Variants in CNTNAP2 observed in about 807,000 individuals in gnomAD.
The protein encoded by CNTNAP2 is contactin-associated protein-like 2.
Under a neutral mutation model 155.2 loss-of-function variants are expected in CNTNAP2, and 98 were observed. That is an observed-to-expected ratio of 0.63 (90% CI 0.54 to 0.75). CNTNAP2 has a LOEUF of 0.75. Among genes scored for constraint, CNTNAP2 ranks in the 30% least tolerant of loss-of-function variants. The pLI is 0.00. For synonymous variants in CNTNAP2, 651 were observed against 631.2 expected (o/e 1.03, Z -0.47); for missense variants, 1,727 against 1,688.1 (o/e 1.02, Z -0.40).
Position 147,347,420 on chromosome 7 carries a change from T to TTATATATA in CNTNAP2, c.1498+47142_1498+47149dup, listed in dbSNP as rs137977529. On this transcript the variant is annotated intron_variant, in intron 9 of 23. Coordinates refer to ENST00000361727, the MANE Select transcript of CNTNAP2 (RefSeq NM_014141.6). ...CTGTATTTCCTCTTATGTGAAAAGA[T>TTATATATA]TATATATATATATATATATGCATAT... is the stretch of plus-strand genomic sequence containing the variant. Among the ~76,000 whole-genome samples, 385 of 120,514 alleles carry TTATATATA rather than the reference T, an allele frequency of 3.2e-3. 2 individuals are homozygous for TTATATATA. The highest frequency in any genetic ancestry group is 0.011 in the East Asian group (44 of 4,036). The allele number at this position is 120,514 out of a possible 152,430, so 79.1% of individuals were successfully genotyped here. A position where few individuals can be genotyped will look rare whatever the true frequency, so the allele number is the denominator to read the frequency against.
chr7:147,798,432 G>C (rs1563092956), intron 13 of CNTNAP2, among the ~76,000 whole-genome samples: 1 of 152,154 alleles, frequency 6.6e-6, no homozygotes, highest in Admixed American at 6.6e-5. Flanking sequence ...CTGTTCAGAG[G>C]TAAGTTTACT....
intron 15 of CNTNAP2, among the ~76,000 whole-genome samples, chr7:148,099,176 C>T (rs2116577340): frequency 6.6e-6 from 1 of 152,168 alleles, no homozygotes; most frequent in Non-Finnish European, 1.5e-5. Flanking sequence ...CCTCAGTTTC[C>T]CCACATGAAA....
intron 8 of CNTNAP2, among the ~76,000 whole-genome samples, chr7:147,165,776 G>T (rs943899729): frequency 4.6e-5 from 7 of 152,076 alleles, no homozygotes; most frequent in Admixed American, 3.9e-4. Flanking sequence ...AAGATCAGTT[G>T]GCTTTAAGCA....
intron 11 of CNTNAP2, among the ~76,000 whole-genome samples, chr7:147,546,938 A>G (rs1278462739): frequency 2.0e-5 from 3 of 152,194 alleles, no homozygotes; most frequent in African/African-American, 4.8e-5. Flanking sequence ...TGCAGTATCA[A>G]TGAAACCCTC....
intron 1 of CNTNAP2, among the ~76,000 whole-genome samples, chr7:146,178,276 G>A (rs942146615): frequency 2.0e-5 from 3 of 152,216 alleles, no homozygotes; most frequent in South Asian, 2.1e-4. Flanking sequence ...CTCGTGATCC[G>A]CCTGCCTTGG....
intron 15 of CNTNAP2, among the ~76,000 whole-genome samples, chr7:148,052,140 C>T (rs1802904065): frequency 9.0e-6 from 1 of 111,256 alleles, no homozygotes; most frequent in African/African-American, 3.3e-5. Context: ...CAGACTCCGT[C>T]TCCAAAAAAA....
At chr7:147,352,278 T>C (rs1217505612) in intron 9 of CNTNAP2, among the ~76,000 whole-genome samples, 11 of 152,006 alleles carry the variant, frequency 7.2e-5, no homozygotes, top group Admixed American at 7.2e-4. Context: ...AGAAATAATT[T>C]GTAACACTGT....
intron 1 of CNTNAP2, among the ~76,000 whole-genome samples, chr7:146,527,085 A>AT (rs1160188961): frequency 1.4e-4 from 21 of 151,382 alleles, no homozygotes; most frequent in African/African-American, 3.6e-4. Context: ...TCCCTCTCAC[A>AT]TTTTTTTTAG....
intron 8 of CNTNAP2, among the ~76,000 whole-genome samples, chr7:147,183,914 T>A (rs950227035): frequency 6.6e-6 from 1 of 152,184 alleles, no homozygotes; most frequent in Non-Finnish European, 1.5e-5. Context: ...TGTATCAAGC[T>A]AAACACAAAG....
intron 1 of CNTNAP2, among the ~76,000 whole-genome samples, chr7:146,524,182 A>G (rs886327382): frequency 6.6e-6 from 1 of 152,174 alleles, no homozygotes. Context: ...TATGAGGCCC[A>G]TAAAGAAAAT....
At chr7:146,400,622 G>A (rs1428753174) in intron 1 of CNTNAP2, among the ~76,000 whole-genome samples, 1 of 152,220 alleles carries the variant, frequency 6.6e-6, no homozygotes, top group Admixed American at 6.5e-5. Flanking sequence ...GACATACTGA[G>A]TGAAAGTTTG....
chr7:147,986,942 A>C (rs564856903), intron 15 of CNTNAP2, among the ~76,000 whole-genome samples: 12 of 151,192 alleles, frequency 7.9e-5, no homozygotes, highest in African/African-American at 2.4e-4. Flanking sequence ...AATAGAAGGC[A>C]TGAAAAAAAA....
intron 10 of CNTNAP2, among the ~76,000 whole-genome samples, chr7:147,417,966 A>G (rs1203868457): frequency 6.6e-6 from 1 of 152,262 alleles, no homozygotes; most frequent in African/African-American, 2.4e-5. Context: ...AGGGAAGTCA[A>G]TTAGTAACAT....
intron 3 of CNTNAP2, among the ~76,000 whole-genome samples, chr7:146,932,492 C>T (rs1317736803): frequency 6.6e-6 from 1 of 152,128 alleles, no homozygotes; most frequent in Non-Finnish European, 1.5e-5. Context: ...ACTGAATGGG[C>T]AGAAACTGGA....
chr7:147,183,157 A>AC (rs34276520), intron 8 of CNTNAP2, among the ~76,000 whole-genome samples: 1 of 152,096 alleles, frequency 6.6e-6, no homozygotes, highest in Non-Finnish European at 1.5e-5. Context: ...GGTTAGAAAA[A>AC]AAAAAAGGAA....
chr7:146,307,819 A>C (rs2129089816), intron 1 of CNTNAP2, among the ~76,000 whole-genome samples: 1 of 152,322 alleles, frequency 6.6e-6, no homozygotes, highest in South Asian at 2.1e-4. Flanking sequence ...CACCTTATAC[A>C]GAAATTAATT....
intron 4 of CNTNAP2, among the ~76,000 whole-genome samples, chr7:147,095,145 G>A (rs1287416902): frequency 2.0e-5 from 3 of 151,082 alleles, no homozygotes; most frequent in Non-Finnish European, 4.4e-5. Flanking sequence ...TGAGCCTCCC[G>A]AGTAGCTGGG....
intron 8 of CNTNAP2, among the ~76,000 whole-genome samples, chr7:147,278,970 A>G (rs1293679873): frequency 6.6e-6 from 1 of 151,438 alleles, no homozygotes; most frequent in Non-Finnish European, 1.5e-5. Flanking sequence ...TTCTATCCTG[A>G]ATACAGAGCA....
chr7:148,147,436 T>G, intron 16 of CNTNAP2, 55 bp from the exon 17 acceptor site: 1 of 1,525,770 alleles, frequency 6.6e-7, no homozygotes, highest in Non-Finnish European at 9.1e-7. Flanking sequence ...AATTTACTGC[T>G]ATTTGGTATC....
Sources: allele counts gnomAD v4.1 joint callset (sites outside exome capture counted in the v4.1 genomes callset), GRCh38; gene constraint gnomAD v4.1.1; transcripts MANE v1.5; gene names NCBI Gene and HGNC (gene_info 2026-07-23, HGNC 2026-07-21).